RPS6KC1: variants seen among roughly 807,000 people sequenced by gnomAD.
RPS6KC1 encodes ribosomal protein S6 kinase C1.
A neutral mutation model predicts 103.8 loss-of-function variants in RPS6KC1; 54 were observed. That is an observed-to-expected ratio of 0.52 (90% CI 0.42 to 0.65). RPS6KC1 has a LOEUF of 0.65. Among genes scored for constraint, RPS6KC1 ranks in the 30% least tolerant of loss-of-function variants. The pLI is 0.00. For synonymous variants in RPS6KC1, 439 were observed against 438.7 expected, an observed-to-expected ratio of 1.00 and a Z score of -0.01; for missense variants, 1,151 against 1,253.8, an observed-to-expected ratio of 0.92 and a Z score of 1.24.
the RPS6KC1 span, among the ~76,000 whole-genome samples, chr1:213,717,086 C>T: frequency 3.9e-5 from 6 of 152,114 alleles, no homozygotes; most frequent in African/African-American, 1.4e-4. Context: ...TTGAGGAAGC[C>T]ATGTGAGGCT....
intron 8 of RPS6KC1, among the ~76,000 whole-genome samples, chr1:213,222,412 T>C (rs550792120): frequency 2.0e-5 from 3 of 152,246 alleles, no homozygotes; most frequent in Admixed American, 6.5e-5. Flanking sequence ...GGAAAACTTA[T>C]GAAACCAAGG....
the RPS6KC1 span, among the ~76,000 whole-genome samples, chr1:213,377,774 T>C: frequency 1.3e-5 from 2 of 152,176 alleles, no homozygotes; most frequent in Non-Finnish European, 2.9e-5. Context: ...AATAAAAATA[T>C]TCCTGCTCAG....
intron 6 of RPS6KC1, among the ~76,000 whole-genome samples, chr1:213,144,550 G>A (rs541814764): frequency 6.6e-6 from 1 of 152,068 alleles, no homozygotes; most frequent in South Asian, 2.1e-4. Context: ...ACTGCACCTG[G>A]CCCCCTTTCT....
intron 12 of RPS6KC1, among the ~76,000 whole-genome samples, chr1:213,261,188 G>A (rs540635602): frequency 6.6e-6 from 1 of 151,748 alleles, no homozygotes; most frequent in African/African-American, 2.4e-5. Context: ...GAACCTGAAG[G>A]GTCTTTATTT....
chr1:213,264,043 GATAA>G (rs991816305), intron 14 of RPS6KC1, among the ~76,000 whole-genome samples: 3 of 152,150 alleles, frequency 2.0e-5, no homozygotes, highest in Admixed American at 2.0e-4. Flanking sequence ...GGAATAGAGA[GATAA>G]ATAAAGGTAT....
the RPS6KC1 span, among the ~76,000 whole-genome samples, chr1:213,553,034 G>A: frequency 6.6e-6 from 1 of 151,878 alleles, no homozygotes; most frequent in South Asian, 2.1e-4. Flanking sequence ...TAGGTTCAAG[G>A]GGTACATGTG....
the RPS6KC1 span, among the ~76,000 whole-genome samples, chr1:213,795,733 G>T: frequency 1.3e-5 from 2 of 152,054 alleles, no homozygotes; most frequent in Non-Finnish European, 2.9e-5. Context: ...CGTCCACCAT[G>T]AAAATTCCTT....
At chr1:213,195,848 A>ATATGTG (rs2092927338) in intron 8 of RPS6KC1, among the ~76,000 whole-genome samples, 1 of 142,578 alleles carries the variant, frequency 7.0e-6, no homozygotes, top group Non-Finnish European at 1.5e-5. Flanking sequence ...GTGTGTGTGT[A>ATATGTG]TATATATACC....
At chr1:213,283,002 G>A in the RPS6KC1 span, among the ~76,000 whole-genome samples, 1 of 152,218 alleles carries the variant, frequency 6.6e-6, no homozygotes, top group Admixed American at 6.5e-5. Context: ...AATAAGATCT[G>A]TGATTGGAAA....
the RPS6KC1 span, among the ~76,000 whole-genome samples, chr1:213,605,539 G>A: frequency 6.6e-6 from 1 of 152,192 alleles, no homozygotes; most frequent in African/African-American, 2.4e-5. Flanking sequence ...CCCCTGTGAG[G>A]TGATTGTACT....
At chr1:213,076,420 C>T (rs956304699) in intron 2 of RPS6KC1, among the ~76,000 whole-genome samples, 6 of 152,112 alleles carry the variant, frequency 3.9e-5, no homozygotes, top group Admixed American at 2.0e-4. Context: ...GTTATTTGCT[C>T]ATTAGCATTA....
At chr1:213,421,678 T>C in the RPS6KC1 span, among the ~76,000 whole-genome samples, 1 of 152,198 alleles carries the variant, frequency 6.6e-6, no homozygotes, top group Non-Finnish European at 1.5e-5. Flanking sequence ...CTCTCTTTCA[T>C]TGATTGAATG....
chr1:213,178,950 C>G (rs1318981851), intron 8 of RPS6KC1, among the ~76,000 whole-genome samples: 1 of 151,908 alleles, frequency 6.6e-6, no homozygotes, highest in Non-Finnish European at 1.5e-5. Flanking sequence ...GAACTCCTGA[C>G]CTCAGATGAT....
At chr1:213,136,317 G>T (rs2086261317) in intron 6 of RPS6KC1, among the ~76,000 whole-genome samples, 1 of 152,162 alleles carries the variant, frequency 6.6e-6, no homozygotes. Flanking sequence ...TTTCACCTCT[G>T]TCTTTGTAAC....
chr1:213,372,885 T>C, the RPS6KC1 span, among the ~76,000 whole-genome samples: 3 of 151,988 alleles, frequency 2.0e-5, no homozygotes, highest in Non-Finnish European at 4.4e-5. Context: ...ATATTTAATA[T>C]ATATAAATAA....
At chr1:213,217,782 C>G (rs1413405035) in intron 8 of RPS6KC1, among the ~76,000 whole-genome samples, 1 of 152,054 alleles carries the variant, frequency 6.6e-6, no homozygotes, top group Non-Finnish European at 1.5e-5. Context: ...CACATGATTA[C>G]CTCAATAGAT....
the RPS6KC1 span, among the ~76,000 whole-genome samples, chr1:213,356,514 G>A: frequency 2.6e-5 from 4 of 152,128 alleles, no homozygotes; most frequent in African/African-American, 9.7e-5. Flanking sequence ...AAATTAGCGG[G>A]GCGTGATAGC....
downstream of RPS6KC1, among the ~76,000 whole-genome samples, chr1:213,275,342 A>G (rs1057059737): frequency 3.3e-5 from 5 of 152,314 alleles, no homozygotes; most frequent in South Asian, 1.0e-3. Context: ...TACCAATATC[A>G]TTCACTATTA....
chr1:213,608,354 G>T, the RPS6KC1 span, among the ~76,000 whole-genome samples: 1 of 152,162 alleles, frequency 6.6e-6, no homozygotes, highest in Admixed American at 6.5e-5. Context: ...GCTCCCCTGT[G>T]GAAGCCACTC....
Sources: allele counts gnomAD v4.1 joint callset (sites outside exome capture counted in the v4.1 genomes callset), GRCh38; gene constraint gnomAD v4.1.1; transcripts MANE v1.5; gene names NCBI Gene and HGNC (gene_info 2026-07-23, HGNC 2026-07-21).